TDRD6: variants seen among roughly 807,000 people sequenced by gnomAD.
TDRD6 encodes tudor domain containing 6.
In TDRD6, 186 loss-of-function variants were observed where a neutral mutation model predicts 157.5. The ratio of observed to expected loss-of-function variants is 1.18; its 90% CI spans 1.05 to 1.33. TDRD6 has a LOEUF of 1.33. Ranked by LOEUF, TDRD6 falls within the 40% of genes most tolerant of loss-of-function variation. The pLI, the probability that TDRD6 is intolerant of heterozygous loss-of-function variation, is 0.00. For missense variants in TDRD6, 3,066 were observed against 2,508.0 expected (o/e 1.22, Z -4.75); for synonymous variants, 1,075 against 945.2 (o/e 1.14, Z -2.52).
chr6:46,691,142 T>C lies in TDRD6; in HGVS notation c.3014T>C (p.Leu1005Pro), dbSNP rs1267221227. 54 of 1,613,636 alleles carry C rather than the reference T, an allele frequency of 3.3e-5. No homozygotes were observed. The highest frequency in any genetic ancestry group is 4.3e-5 in the Non-Finnish European group (51 of 1,179,888). The change falls in exon 1 of 4, where the codon CTG becomes CCG. Residue 1005 changes from leucine (L) to proline (P), a missense_variant. Physicochemically the swap from Leu to Pro is moderately conservative, Grantham distance 98. Transcript: ENST00000316081. ...IDDPWTFYCQ[L>P]ARNANILEQL... ...GACCCTTGGACATTTTATTGCCAGC[T>C]GGCAAGAAATGCAAATATTTTAGAA...
chr6:46,690,526 A>C lies in TDRD6; in HGVS notation c.2398A>C (p.Thr800Pro). Residue 800 changes from threonine (T) to proline (P), a missense_variant, in exon 1 of 4, where the codon ACT (threonine) becomes CCT (proline). Thr to Pro is a conservative substitution (Grantham distance 38). Coordinates refer to ENST00000316081, the MANE Select transcript of TDRD6 (RefSeq NM_001010870.3). The stretch of plus-strand genomic sequence containing the variant: ...GACCAGGAACATACAAGGACTTAAA[A>C]CTCTAATGTCTGATATTCAGTACTA... The part of the protein sequence containing the change: ...QLTRNIQGLK[T>P]LMSDIQYYCK... 2.5e-6 allele frequency: 4 copies of C among 1,613,946 alleles called. No homozygotes were observed. Among genetic ancestry groups the C allele is most frequent in the Non-Finnish European group, 3.4e-6 (4 of 1,179,992 alleles).
chr6:46,688,297 C>A lies in TDRD6; in HGVS notation c.169C>A (p.Arg57Ser). 6.7e-7 allele frequency: 1 copy of A among 1,501,332 alleles called. No homozygotes were observed. 93.0% of individuals were successfully genotyped at this position (1,501,332 alleles called of 1,614,324 possible). A position where few individuals can be genotyped will look rare whatever the true frequency, so the allele number is the denominator to read the frequency against. Reference sequence around the variant, plus strand: ...GGAAATCCAGGAAGCGGCGGCCACGCGCGGCCAGTGGGCGCTGGGCAGCGC... The same window carrying A: ...GGAAATCCAGGAAGCGGCGGCCACGAGCGGCCAGTGGGCGCTGGGCAGCGC... Reference protein sequence around the residue: ...SREIQEAAATRGQWALGSASA... With the variant: ...SREIQEAAATSGQWALGSASA... Residue 57 changes from arginine (R) to serine (S), a missense_variant, in exon 1 of 4, where the codon CGC becomes AGC. Arg to Ser is a moderately radical substitution (Grantham distance 110). Transcript: ENST00000316081.
At position 46,692,924 on chromosome 6, in the gene TDRD6, C is replaced by T. The variant is rs748067879; in HGVS notation, c.4796C>T (p.Ser1599Phe). 4 of 1,613,962 alleles carry T rather than the reference C, an allele frequency of 2.5e-6. No homozygotes were observed. In the Admixed American group the frequency reaches 6.7e-5, roughly 27 times the overall value. The change falls in exon 1 of 4, where the codon TCT becomes TTT. Residue 1599 changes from serine to phenylalanine, a missense_variant. Ser to Phe is a radical substitution (Grantham distance 155). Transcript: ENST00000316081. ...AATATTTGTGAAGATTATCTTGTAT[C>T]TGTCAGGCTTGTGGACTTTGGAAAC... The part of the protein sequence containing the change: ...ITNICEDYLV[S>F]VRLVDFGNIE...
rs1232053043 is a variant in TDRD6 at position 46,694,000 on chromosome 6, C to T, written c.5872C>T (p.His1958Tyr). The T allele has an allele frequency of 1.9e-6, 3 of 1,613,806 alleles. No homozygotes were observed. The highest frequency in any genetic ancestry group is 1.6e-4 in the Middle Eastern group (1 of 6,062). The change falls in exon 1 of 4, where the codon CAT becomes TAT. Residue 1958 changes from histidine to tyrosine, a missense_variant. Coordinates refer to ENST00000316081, the MANE Select transcript of TDRD6 (RefSeq NM_001010870.3). ...SFDDQRRMSL[H>Y]LHGADCDPKT... ...TGATGACCAGCGCAGGATGTCATTG[C>T]ATCTACATGGAGCAGATTGTGATCC...
In TDRD6 at chr6:46,692,053, G is replaced by A; in HGVS notation, c.3925G>A (p.Val1309Ile). ...KTIMPGFKTTVYVSHINDLSD... is the reference protein window; with the variant it reads ...KTIMPGFKTTIYVSHINDLSD... ...TATAATGCCTGGATTTAAAACAACT[G>A]TATATGTTTCTCATATAAATGACCT... The change falls in exon 1 of 4, where the codon GTA becomes ATA. Residue 1309 changes from valine (V) to isoleucine (I), a missense_variant. Val to Ile is a conservative substitution (Grantham distance 29, BLOSUM62 3). Transcript: ENST00000316081. The A allele has an allele frequency of 6.2e-7, 1 of 1,612,996 alleles. No homozygotes were observed. The highest frequency in any genetic ancestry group is 8.5e-7 in the Non-Finnish European group (1 of 1,179,690).
chr6:46,681,458 G>A, the TDRD6 span: 3 of 456,294 alleles, frequency 6.6e-6, no homozygotes, highest in Non-Finnish European at 1.4e-5. Flanking sequence ...ACCCACTCAA[G>A]TGTTTTATTA....
Position 46,694,490 on chromosome 6 carries a change from A to C in TDRD6, c.6046+316A>C, listed in dbSNP as rs1764443486. On this transcript the variant is annotated intron_variant, in intron 1 of 3. Transcript: ENST00000316081. ...GTGTGCTTTTACTTTTAAGTTTAAC[A>C]TAGTGACTTTCCAGAGTTGTTATTT... Among the ~76,000 whole-genome samples, 2 of 152,122 alleles carry C rather than the reference A, an allele frequency of 1.3e-5. 1 individual carries two copies. The highest frequency in any genetic ancestry group is 4.1e-4 in the South Asian group (2 of 4,826).
rs758251204 is a variant in TDRD6 at position 46,691,370 on chromosome 6, T to C, written c.3242T>C (p.Ile1081Thr). Residue 1081 changes from isoleucine to threonine, a missense_variant, in exon 1 of 4, where the codon ATA becomes ACA. By Grantham distance (89) the Ile-to-Thr change is moderately conservative. Coordinates refer to ENST00000316081, the MANE Select transcript of TDRD6 (RefSeq NM_001010870.3). The part of the protein sequence containing the change: ...YVVTSDDLLP[I>T]PSDAYDVLLL... ...GTAACAAGTGATGATCTGCTTCCAA[T>C]ACCTAGTGATGCATATGATGTCTTA... The C allele has an allele frequency of 2.5e-6, 4 of 1,614,054 alleles. No homozygotes were observed. The Admixed American group carries it at 6.7e-5, about 27-fold the overall frequency.
In TDRD6 at chr6:46,694,059, A is replaced by C. The variant is rs1234717671; in HGVS notation, c.5931A>C (p.Glu1977Asp). 6.2e-6 allele frequency: 10 copies of C among 1,613,810 alleles called. No homozygotes were observed. Among genetic ancestry groups the C allele is most frequent in the Non-Finnish European group, 8.5e-6 (10 of 1,179,968 alleles). ...KTQNEMNICE[E>D]EFVEYKNRDA... ...AGAATGAAATGAATATATGTGAAGA[A>C]GAATTTGTAGAGTATAAAAACAGGG... is the stretch of plus-strand genomic sequence containing the variant. Residue 1977 changes from glutamate to aspartate, a missense_variant, in exon 1 of 4, where the codon GAA becomes GAC. Glu to Asp is a conservative substitution (Grantham distance 45). Coordinates refer to ENST00000316081, the MANE Select transcript of TDRD6 (RefSeq NM_001010870.3).
rs1764319704 is a variant in TDRD6 at position 46,691,544 on chromosome 6, T to C, written c.3416T>C (p.Ile1139Thr). The C allele has an allele frequency of 6.2e-7, 1 of 1,613,776 alleles. No individual in the cohort carries two copies. The highest frequency in any genetic ancestry group is 1.1e-5 in the South Asian group (1 of 91,060). The change falls in exon 1 of 4, where the codon ATA becomes ACA. Residue 1139 changes from isoleucine (I) to threonine (T), a missense_variant. Coordinates refer to ENST00000316081, the MANE Select transcript of TDRD6 (RefSeq NM_001010870.3). Reference sequence around the variant, plus strand: ...AAAGATCCAGATGGAACACTGATTATAGAACTATATGGTGACAATATTCAA... The same window carrying C: ...AAAGATCCAGATGGAACACTGATTACAGAACTATATGGTGACAATATTCAA... ...VAKDPDGTLI[I>T]ELYGDNIQIS...
Position 46,692,004 on chromosome 6 carries a change from A to G in TDRD6, c.3876A>G (p.Lys1292=). The G allele has an allele frequency of 1.2e-6, 2 of 1,613,960 alleles. No individual in the cohort carries two copies. The highest frequency in any genetic ancestry group is 1.7e-6 in the Non-Finnish European group (2 of 1,179,940). The change falls in exon 1 of 4, where the codon AAA becomes AAG. Residue 1292 remains lysine, a synonymous_variant. Transcript: ENST00000316081. ...GDSCDKDLPL[K]FCEFPQKTIM... ...CATGTGACAAAGATTTGCCTCTGAA[A>G]TTTTGTGAGTTCCCACAGAAGACTA...
the TDRD6 span, among the ~76,000 whole-genome samples, chr6:46,681,121 G>A: frequency 2.9e-3 from 438 of 152,262 alleles, 1 homozygote; most frequent in African/African-American, 0.01. Context: ...TTTGGAGAGT[G>A]GGGAGAAAGA....
At position 46,694,073 on chromosome 6, in the gene TDRD6, A is replaced by G. The variant is rs367632178; in HGVS notation, c.5945A>G (p.Tyr1982Cys). 4.3e-5 allele frequency: 69 copies of G among 1,613,424 alleles called. No homozygotes were observed. Among genetic ancestry groups the G allele is most frequent in the Non-Finnish European group, 5.8e-5 (68 of 1,179,810 alleles). ...ATATGTGAAGAAGAATTTGTAGAGT[A>G]TAAAAACAGGGATGCCATTTCGGCA... ...MNICEEEFVE[Y>C]KNRDAISALM... Residue 1982 changes from tyrosine to cysteine, a missense_variant, in exon 1 of 4, where the codon TAT becomes TGT. Transcript: ENST00000316081.
At position 46,702,137 on chromosome 6, in the gene TDRD6, G is replaced by A; in HGVS notation, c.*250G>A. 2 of 348,906 alleles carry A rather than the reference G, an allele frequency of 5.7e-6. No individual in the cohort carries two copies. The highest frequency in any genetic ancestry group is 1.0e-5 in the Non-Finnish European group (2 of 193,848). 21.6% of individuals were successfully genotyped at this position (348,906 alleles called of 1,614,324 possible). A position where few individuals can be genotyped will look rare whatever the true frequency, so the allele number is the denominator to read the frequency against. Reference sequence around the variant, plus strand: ...TATTGTCTTACGTTTCTAATTAGTTGGGAGGATTTATTTTGCTAAACAGTT... The same window carrying A: ...TATTGTCTTACGTTTCTAATTAGTTAGGAGGATTTATTTTGCTAAACAGTT... On this transcript the variant is annotated 3_prime_UTR_variant, in exon 4 of 4. Coordinates refer to ENST00000316081, the MANE Select transcript of TDRD6 (RefSeq NM_001010870.3).
Position 46,689,368 on chromosome 6 carries a change from T to C in TDRD6, c.1240T>C (p.Ser414Pro), listed in dbSNP as rs148799553. The C allele has an allele frequency of 1.9e-4, 299 of 1,614,024 alleles. No individual in the cohort carries two copies. The African/African-American group carries it at 3.0e-3, about 16-fold the overall frequency. Residue 414 changes from serine (S) to proline (P), a missense_variant, in exon 1 of 4, where the codon TCC (serine) becomes CCC (proline). Transcript: ENST00000316081. Reference sequence around the variant, plus strand: ...GAATGCAAAGATTGAATTTTATTGCTCCTTTGAGCATGTGTATTATGTCAG... The same window carrying C: ...GAATGCAAAGATTGAATTTTATTGCCCCTTTGAGCATGTGTATTATGTCAG... ...AVNAKIEFYC[S>P]FEHVYYVSLY...
In TDRD6 at chr6:46,688,109, G is replaced by A. The variant is rs937477375; in HGVS notation, c.-20G>A. On this transcript the variant is annotated 5_prime_UTR_variant, in exon 1 of 4. Transcript: ENST00000316081. ...GCGGCCCTTAATTTCCGGAAGTGGG[G>A]GCCGCGCCGCGCCGTCAAGATGTGC... 132 of 1,474,144 alleles carry A rather than the reference G, an allele frequency of 9.0e-5. No individual in the cohort carries two copies. Among genetic ancestry groups the A allele is most frequent in the Non-Finnish European group, 1.1e-4 (128 of 1,123,250 alleles). 91.3% of individuals were successfully genotyped at this position (1,474,144 alleles called of 1,614,324 possible).
In TDRD6 at chr6:46,689,314, C is replaced by G. The variant is rs760733091; in HGVS notation, c.1186C>G (p.Leu396Val). ...RGWSRSQVGDLKTLILGKAVN... is the reference protein window; with the variant it reads ...RGWSRSQVGDVKTLILGKAVN... ...CTGGTCTCGGTCACAGGTCGGTGACCTGAAGACACTGATACTAGGCAAGGC... is the reference window on the plus strand; with the variant it reads ...CTGGTCTCGGTCACAGGTCGGTGACGTGAAGACACTGATACTAGGCAAGGC... Residue 396 changes from leucine (L) to valine (V), a missense_variant, in exon 1 of 4, where the codon CTG becomes GTG. Transcript: ENST00000316081. The G allele has an allele frequency of 7.4e-6, 12 of 1,614,022 alleles. No homozygotes were observed. Among genetic ancestry groups the G allele is most frequent in the East Asian group, 2.2e-5 (1 of 44,882 alleles).
At position 46,688,232 on chromosome 6, in the gene TDRD6, T is replaced by C. The variant is rs1424406337; in HGVS notation, c.104T>C (p.Leu35Pro). 6.5e-7 allele frequency: 1 copy of C among 1,529,994 alleles called. No individual in the cohort carries two copies. The highest frequency in any genetic ancestry group is 2.4e-5 in the East Asian group (1 of 40,886). 94.8% of individuals were successfully genotyped at this position (1,529,994 alleles called of 1,614,324 possible). A position where few individuals can be genotyped will look rare whatever the true frequency, so the allele number is the denominator to read the frequency against. ...GTGATCCCGGTGCAGCTGTGGGGGC[T>C]GGTGGGCGAGCGGCGGGGCGAGTAC... ...PDVIPVQLWG[L>P]VGERRGEYLR... Residue 35 changes from leucine to proline, a missense_variant, in exon 1 of 4, where the codon CTG (leucine) becomes CCG (proline). Physicochemically the swap from Leu to Pro is moderately conservative, Grantham distance 98 (BLOSUM62 -3). Coordinates refer to ENST00000316081, the MANE Select transcript of TDRD6 (RefSeq NM_001010870.3).
upstream of TDRD6, chr6:46,687,812 G>T (rs1764142297): frequency 3.1e-6 from 1 of 318,750 alleles, no homozygotes; most frequent in Admixed American, 5.0e-5. Context: ...TAGGCGTTAG[G>T]CCAACCCCAG....
Sources: allele counts gnomAD v4.1 joint callset (sites outside exome capture counted in the v4.1 genomes callset), GRCh38; gene constraint gnomAD v4.1.1; transcripts MANE v1.5; gene names NCBI Gene and HGNC (gene_info 2026-07-23, HGNC 2026-07-21).